Variants in JPH3 observed in about 807,000 individuals in gnomAD.
JPH3 encodes junctophilin 3.
In JPH3, 11 loss-of-function variants were observed where a neutral mutation model predicts 59.6. That is an observed-to-expected ratio of 0.18 (90% CI 0.12 to 0.31). The LOEUF is 0.31. JPH3 is among the 10% of genes least tolerant of loss of function. The pLI is 1.00. For synonymous variants in JPH3, 673 were observed against 483.6 expected, an observed-to-expected ratio of 1.39 and a Z score of -5.14; for missense variants, 1,202 against 1,105.7, an observed-to-expected ratio of 1.09 and a Z score of -1.24.
In JPH3 at chr16:87,644,856, C is replaced by T. The variant is rs1567596495; in HGVS notation, c.981C>T (p.Thr327=). The change falls in exon 2 of 5, where the codon ACC becomes ACT. Residue 327 remains threonine, a synonymous_variant. Transcript: ENST00000284262. ...GGCGCCATGGCTACGGCTGCATGAC[C>T]TTCCCGGACGGCACCAAGGAGGAGG... ...SNRRHGYGCM[T]FPDGTKEEGK... 1 of 1,613,390 alleles carries T rather than the reference C, an allele frequency of 6.2e-7. No homozygotes were observed. Among genetic ancestry groups the T allele is most frequent in the African/African-American group, 1.3e-5 (1 of 74,900 alleles).
At chr16:87,692,595 G>A (rs2033625107) in intron 4 of JPH3, among the ~76,000 whole-genome samples, 3 of 152,162 alleles carry the variant, frequency 2.0e-5, no homozygotes, top group Admixed American at 6.5e-5. Flanking sequence ...CCCACATAGG[G>A]TCCCACTGGC....
chr16:87,660,515 C>T (rs995777904), intron 2 of JPH3, among the ~76,000 whole-genome samples: 5 of 152,186 alleles, frequency 3.3e-5, no homozygotes, highest in Non-Finnish European at 2.9e-5. Flanking sequence ...CTGGACTGGG[C>T]GCCACTGCTC....
intron 1 of JPH3, among the ~76,000 whole-genome samples, chr16:87,617,729 GT>G (rs2031023985): frequency 6.6e-6 from 1 of 152,148 alleles, no homozygotes; most frequent in African/African-American, 2.4e-5. Flanking sequence ...GCAGGTGCAG[GT>G]GCAGGAGCTG....
intron 2 of JPH3, among the ~76,000 whole-genome samples, chr16:87,676,562 C>T (rs577977633): frequency 7.2e-5 from 11 of 151,952 alleles, no homozygotes; most frequent in Non-Finnish European, 1.5e-4. Flanking sequence ...GGTGAAACCC[C>T]GTCTCTCCTA....
intron 2 of JPH3, among the ~76,000 whole-genome samples, chr16:87,649,126 G>C (rs112169553): frequency 6.6e-6 from 1 of 152,184 alleles, no homozygotes; most frequent in Admixed American, 6.5e-5. Flanking sequence ...ACCCTCTGCT[G>C]CAGAGAGGGG....
At chr16:87,659,374 CAAAA>C (rs1354448370) in intron 2 of JPH3, among the ~76,000 whole-genome samples, 2 of 74,556 alleles carry the variant, frequency 2.7e-5, no homozygotes, top group South Asian at 4.2e-4. Flanking sequence ...AAGACTGTCT[CAAAA>C]AAAAAAAAGA....
chr16:87,661,178 G>A (rs1322912074), intron 2 of JPH3, among the ~76,000 whole-genome samples: 5 of 152,118 alleles, frequency 3.3e-5, no homozygotes, highest in African/African-American at 7.2e-5. Context: ...AGAGCCAGCG[G>A]GGCAGCCTCT....
At chr16:87,647,072 G>A (rs942211418) in intron 2 of JPH3, among the ~76,000 whole-genome samples, 6 of 152,170 alleles carry the variant, frequency 3.9e-5, no homozygotes, top group African/African-American at 1.4e-4. Context: ...CTGAAGGCCT[G>A]TGAAGCTTAG....
chr16:87,650,062 C>G (rs1258985019), intron 2 of JPH3, among the ~76,000 whole-genome samples: 1 of 152,150 alleles, frequency 6.6e-6, no homozygotes, highest in Non-Finnish European at 1.5e-5. Flanking sequence ...CAGGGGGTTT[C>G]GCTTCATTGT....
chr16:87,669,418 G>C (rs1156935900), intron 2 of JPH3, among the ~76,000 whole-genome samples: 1 of 152,208 alleles, frequency 6.6e-6, no homozygotes, highest in Non-Finnish European at 1.5e-5. Context: ...CAGGAGGGAA[G>C]AGCAGGTCTC....
chr16:87,648,009 AGTGGCCTCGGCGTGGGGCCGGGCCT>A (rs1207373153), intron 2 of JPH3, among the ~76,000 whole-genome samples: 3 of 152,172 alleles, frequency 2.0e-5, no homozygotes, highest in Non-Finnish European at 2.9e-5. Context: ...TGCTCCCTGT[AGTGGCCTCGGCGTGGGGCCGGGCCT>A]GTGGTTGCAC....
At chr16:87,696,023 G>A (rs1287914403) in intron 4 of JPH3, 1 of 455,998 alleles carries the variant, frequency 2.2e-6, no homozygotes, top group Non-Finnish European at 4.4e-6. Context: ...GTCCTCCAGA[G>A]CCAGTTGGCG....
At chr16:87,666,545 C>T (rs1353652049) in intron 2 of JPH3, among the ~76,000 whole-genome samples, 1 of 152,124 alleles carries the variant, frequency 6.6e-6, no homozygotes, top group Non-Finnish European at 1.5e-5. Context: ...GTGTGCACCA[C>T]CATGCCTTAC....
intron 1 of JPH3, among the ~76,000 whole-genome samples, chr16:87,641,373 C>T (rs1460031833): frequency 2.6e-5 from 4 of 152,104 alleles, no homozygotes; most frequent in South Asian, 2.1e-4. Context: ...AGGTTGTTTC[C>T]GACGTTGATG....
intron 1 of JPH3, among the ~76,000 whole-genome samples, chr16:87,641,527 C>A (rs1215369037): frequency 2.6e-5 from 4 of 152,216 alleles, no homozygotes; most frequent in South Asian, 2.1e-4. Context: ...GAGACCACCT[C>A]ATTCGGCCCC....
intron 2 of JPH3, among the ~76,000 whole-genome samples, chr16:87,649,028 G>A (rs550185278): frequency 3.3e-5 from 5 of 152,342 alleles, no homozygotes; most frequent in Admixed American, 6.5e-5. Context: ...AACACGGGTC[G>A]GAGGCAGAGT....
In JPH3 at chr16:87,603,026, C is replaced by G. The variant is rs2030316231; in HGVS notation, c.-121C>G. 1.5e-6 allele frequency: 2 copies of G among 1,307,982 alleles called. No homozygotes were observed. The highest frequency in any genetic ancestry group is 2.1e-6 in the Non-Finnish European group (2 of 962,996). The allele number at this position is 1,307,982 out of a possible 1,614,324, so 81.0% of individuals were successfully genotyped here. ...CGCGCCCGAGACCGCGCTCCGGGGC[C>G]GCGTCCTCCTCTCCTCCGGAAAACG... On this transcript the variant is annotated 5_prime_UTR_variant, in exon 1 of 5. Transcript: ENST00000284262.
At chr16:87,635,847 G>C (rs1428432871) in intron 1 of JPH3, among the ~76,000 whole-genome samples, 3 of 152,212 alleles carry the variant, frequency 2.0e-5, no homozygotes, top group African/African-American at 7.2e-5. Context: ...AGAGCCGGGG[G>C]CTCCTGTGTG....
intron 2 of JPH3, among the ~76,000 whole-genome samples, chr16:87,680,110 G>A (rs1268418776): frequency 6.6e-6 from 1 of 152,244 alleles, no homozygotes; most frequent in Non-Finnish European, 1.5e-5. Context: ...GGGTTGCCTT[G>A]GCAATGACAC....
Sources: gnomAD v4.1 joint callset for allele counts (sites outside exome capture counted in the v4.1 genomes callset) on GRCh38, gnomAD v4.1.1 for gene constraint, MANE v1.5 for transcripts, NCBI Gene and HGNC (gene_info 2026-07-23, HGNC 2026-07-21) for gene names.